ARFGEF3: variants seen among roughly 807,000 people sequenced by gnomAD.
The protein encoded by ARFGEF3 is ARFGEF family member 3.
In ARFGEF3, 96 loss-of-function variants were observed where a neutral mutation model predicts 221.7. The ratio of observed to expected loss-of-function variants is 0.43; its 90% CI spans 0.37 to 0.51. The LOEUF is 0.51. Among genes scored for constraint, ARFGEF3 ranks in the 20% least tolerant of loss-of-function variants. The probability of loss-of-function intolerance (pLI) is 0.00; values close to 1 mark genes in which losing one functional copy is unlikely to be tolerated. For synonymous variants in ARFGEF3, 1,145 were observed against 1,126.8 expected, an observed-to-expected ratio of 1.02 and a Z score of -0.32; for missense variants, 2,410 against 2,789.9, an observed-to-expected ratio of 0.86 and a Z score of 3.07.
intron 29 of ARFGEF3, 134 bp from the exon 30 acceptor site, chr6:138,323,537 G>A: frequency 1.5e-6 from 1 of 661,112 alleles, no homozygotes; most frequent in Non-Finnish European, 2.6e-6. Context: ...CTTGAACCCG[G>A]GAGATGGAGG....
intron 2 of ARFGEF3, among the ~76,000 whole-genome samples, chr6:138,178,571 C>T (rs544893937): frequency 3.9e-5 from 6 of 152,308 alleles, no homozygotes; most frequent in South Asian, 4.1e-4. Context: ...TCATCAACCA[C>T]GTTGGCAGTT....
In ARFGEF3 at chr6:138,313,916, T is replaced by C. The variant is rs1169060555; in HGVS notation, c.4322T>C (p.Leu1441Pro). 6.2e-7 allele frequency: 1 copy of C among 1,613,926 alleles called. No individual in the cohort carries two copies. The highest frequency in any genetic ancestry group is 8.5e-7 in the Non-Finnish European group (1 of 1,179,842). The change falls in exon 26 of 34, where the codon CTG (leucine) becomes CCG (proline). Residue 1441 changes from leucine (L) to proline (P), a missense_variant. Physicochemically the swap from Leu to Pro is moderately conservative, Grantham distance 98. Coordinates refer to ENST00000251691, the MANE Select transcript of ARFGEF3 (RefSeq NM_020340.5). The part of the protein sequence containing the change: ...ASSEDGIESV[L>P]SDFDDDTGLI... Reference sequence around the variant, plus strand: ...AGTGAGGATGGAATTGAATCAGTCCTGTCTGATTTTGATGATGACACCGGT... The same window carrying C: ...AGTGAGGATGGAATTGAATCAGTCCCGTCTGATTTTGATGATGACACCGGT...
At chr6:138,196,489 A>G (rs1003900319) in intron 2 of ARFGEF3, among the ~76,000 whole-genome samples, 16 of 152,206 alleles carry the variant, frequency 1.1e-4, no homozygotes, top group Non-Finnish European at 5.9e-5. Context: ...AAAAAATGGT[A>G]CACCTGTATA....
chr6:138,225,380 T>C (rs893062058), intron 4 of ARFGEF3, among the ~76,000 whole-genome samples: 3 of 152,240 alleles, frequency 2.0e-5, no homozygotes, highest in African/African-American at 7.2e-5. Context: ...GGTGCATCTT[T>C]CCCTCCCTTT....
rs6149826 is a variant in ARFGEF3 at position 138,272,142 on chromosome 6, C to CATTTATTTATTTATTTATTT, written c.2129-6298_2129-6279dup. On this transcript the variant is annotated intron_variant, in intron 12 of 33. Coordinates refer to ENST00000251691, the MANE Select transcript of ARFGEF3 (RefSeq NM_020340.5). ...AGATTTATAGCATACTAGCAGATGCCATTTATTTATTTATTTATTTATTTA... is the reference window on the plus strand; with the variant it reads ...AGATTTATAGCATACTAGCAGATGCCATTTATTTATTTATTTATTTATTTATTTATTTATTTATTTATTTA... Among the ~76,000 whole-genome samples, 286 of 148,756 alleles carry CATTTATTTATTTATTTATTT rather than the reference C, an allele frequency of 1.9e-3. 2 individuals are homozygous for CATTTATTTATTTATTTATTT. Among genetic ancestry groups the CATTTATTTATTTATTTATTT allele is most frequent in the African/African-American group, 3.9e-3 (155 of 39,870 alleles).
In ARFGEF3 at chr6:138,291,449, G is replaced by A. The variant is rs1012273431; in HGVS notation, c.3048-284G>A. 4.6e-5 allele frequency among the ~76,000 whole-genome samples: 7 copies of A among 152,188 alleles called. No homozygotes were observed. The highest frequency in any genetic ancestry group is 3.9e-4 in the Admixed American group (6 of 15,284). On this transcript the variant is annotated intron_variant, in intron 18 of 33. Coordinates refer to ENST00000251691, the MANE Select transcript of ARFGEF3 (RefSeq NM_020340.5). The surrounding 1 kb of genome is among the most constrained non-coding windows in gnomAD (Gnocchi z 4.5). ...TAAGCCGGATGAGGCAGGGGGACTGGATGAACTGGGCTTCATTGCCCGTCT... is the reference window on the plus strand; with the variant it reads ...TAAGCCGGATGAGGCAGGGGGACTGAATGAACTGGGCTTCATTGCCCGTCT...
At chr6:138,179,470 T>TC (rs373183778) in intron 2 of ARFGEF3, among the ~76,000 whole-genome samples, 3 of 151,820 alleles carry the variant, frequency 2.0e-5, no homozygotes, top group African/African-American at 7.3e-5. Flanking sequence ...CTTTTTTTTT[T>TC]CCCATTTGTC....
At chr6:138,194,989 ATTTTTTTTT>A (rs747099029) in intron 2 of ARFGEF3, among the ~76,000 whole-genome samples, 3 of 84,126 alleles carry the variant, frequency 3.6e-5, no homozygotes, top group Admixed American at 1.5e-4. Flanking sequence ...CTTTTCCCTA[ATTTTTTTTT>A]TTTTTTTTTT....
intron 12 of ARFGEF3, among the ~76,000 whole-genome samples, chr6:138,264,447 G>C (rs562598330): frequency 2.6e-5 from 4 of 152,158 alleles, no homozygotes; most frequent in Non-Finnish European, 5.9e-5. Flanking sequence ...CAAGTACAAG[G>C]GTCTCTTGAC....
At position 138,324,160 on chromosome 6, in the gene ARFGEF3, G is replaced by A; in HGVS notation, c.5001+6G>A. 2 of 1,609,924 alleles carry A rather than the reference G, an allele frequency of 1.2e-6. No homozygotes were observed. Among genetic ancestry groups the A allele is most frequent in the South Asian group, 2.2e-5 (2 of 90,868 alleles). ...TCCGAGCCATGGCCCAGCAGGTAAG[G>A]GCAGGGGCTTTTGATCTCAGGAGCT... On this transcript the variant is annotated splice_donor_region_variant and intron_variant, in intron 31 of 33. Transcript: ENST00000251691.
intron 14 of ARFGEF3, among the ~76,000 whole-genome samples, chr6:138,284,606 A>AT (rs1779254562): frequency 6.6e-6 from 1 of 152,232 alleles, no homozygotes; most frequent in African/African-American, 2.4e-5. Flanking sequence ...GTAGAAAAGA[A>AT]TTTGTTTCAA....
intron 2 of ARFGEF3, among the ~76,000 whole-genome samples, chr6:138,176,164 G>A (rs539883234): frequency 7.5e-5 from 11 of 147,506 alleles, no homozygotes; most frequent in East Asian, 4.0e-4. Flanking sequence ...TATAAGCAGC[G>A]TATAGTTGGT....
chr6:138,218,380 T>C (rs1433025788), intron 4 of ARFGEF3: 2 of 1,541,052 alleles, frequency 1.3e-6, no homozygotes. Context: ...TTCTGGTTCC[T>C]TAAGAAGGCC....
At position 138,297,062 on chromosome 6, in the gene ARFGEF3, G is replaced by A; in HGVS notation, c.3648+107G>A. 2.3e-6 allele frequency: 3 copies of A among 1,297,672 alleles called. No individual in the cohort carries two copies. In the South Asian group the frequency reaches 4.3e-5, roughly 19 times the overall value. The allele number at this position is 1,297,672 out of a possible 1,614,324, so 80.4% of individuals were successfully genotyped here. On this transcript the variant is annotated intron_variant, in intron 21 of 33. Transcript: ENST00000251691. ...ATGGGGGCAAAGCACTGTGGCCATT[G>A]GGCAGTGGGAACTTGCCTATCACCT...
intron 26 of ARFGEF3, among the ~76,000 whole-genome samples, chr6:138,316,315 ATACAT>A (rs1779925208): frequency 6.6e-6 from 1 of 152,248 alleles, no homozygotes; most frequent in Non-Finnish European, 1.5e-5. Context: ...CTCAACATTG[ATACAT>A]TACATTATCA....
chr6:138,266,848 C>CAAAAAAAAAAAAAAAAAAAAAAAAAA (rs55638606), intron 12 of ARFGEF3, among the ~76,000 whole-genome samples: 1 of 77,410 alleles, frequency 1.3e-5, no homozygotes, highest in Non-Finnish European at 2.3e-5. Context: ...GACTCCATCT[C>CAAAAAAAAAAAAAAAAAAAAAAAAAA]AAAAAAAAAA....
chr6:138,265,382 T>C (rs1314591079), intron 12 of ARFGEF3, among the ~76,000 whole-genome samples: 3 of 152,236 alleles, frequency 2.0e-5, no homozygotes, highest in African/African-American at 7.2e-5. Context: ...TTCACATCAA[T>C]TTTTAAGGCT....
intron 32 of ARFGEF3, among the ~76,000 whole-genome samples, chr6:138,330,531 G>A (rs777975139): frequency 3.2e-4 from 49 of 152,106 alleles, no homozygotes; most frequent in Non-Finnish European, 1.3e-4. Flanking sequence ...TGGGCCAGGC[G>A]TGCTGGCTCA....
rs975010506 is a variant in ARFGEF3 at position 138,189,706 on chromosome 6, G to A, written c.138-17336G>A. On this transcript the variant is annotated intron_variant, in intron 2 of 33. Coordinates refer to ENST00000251691, the MANE Select transcript of ARFGEF3 (RefSeq NM_020340.5). ...TCGTTTTACTGTCTCCTTTATTATA[G>A]GAATGATTTTAACAATTGGTCAAAA... 9.9e-5 allele frequency among the ~76,000 whole-genome samples: 15 copies of A among 152,176 alleles called. 1 individual carries two copies. The highest frequency in any genetic ancestry group is 2.6e-4 in the Admixed American group (4 of 15,276).
Sources: gnomAD v4.1 joint callset for allele counts (sites outside exome capture counted in the v4.1 genomes callset) on GRCh38, gnomAD v4.1.1 for gene constraint, Gnocchi (gnomAD v3.1) non-coding constraint, MANE v1.5 for transcripts, NCBI Gene and HGNC (gene_info 2026-07-23, HGNC 2026-07-21) for gene names.